SLC14A2: variants seen among roughly 807,000 people sequenced by gnomAD.
SLC14A2 encodes urea transporter 2.
Under a neutral mutation model 104.6 loss-of-function variants are expected in SLC14A2, and 91 were observed. The ratio of observed to expected loss-of-function variants is 0.87; its 90% CI spans 0.73 to 1.04. SLC14A2 has a LOEUF of 1.04. Among genes scored for constraint, SLC14A2 ranks in the 50% least tolerant of loss-of-function variants. SLC14A2 has a pLI of 0.00. For synonymous variants in SLC14A2, 476 were observed against 466.4 expected (o/e 1.02, Z -0.27); for missense variants, 1,189 against 1,156.0 (o/e 1.03, Z -0.41).
chr18:45,339,295 T>A (rs963992937), intron 1 of SLC14A2, among the ~76,000 whole-genome samples: 7 of 152,192 alleles, frequency 4.6e-5, no homozygotes, highest in African/African-American at 1.2e-4. Context: ...AGGACAAGAC[T>A]GCCTGTACAA....
chr18:45,660,577 G>T (rs2045921570), intron 10 of SLC14A2, among the ~76,000 whole-genome samples: 1 of 152,216 alleles, frequency 6.6e-6, no homozygotes, highest in Non-Finnish European at 1.5e-5. Context: ...GGGTTTGCAA[G>T]GTCAACCCTA....
chr18:45,283,755 G>T (rs1400633215), intron 1 of SLC14A2, among the ~76,000 whole-genome samples: 1 of 152,024 alleles, frequency 6.6e-6, no homozygotes, highest in Non-Finnish European at 1.5e-5. Flanking sequence ...TTTAGATATA[G>T]AGATATGCCC....
chr18:45,219,715 T>C (rs1447912352), intron 1 of SLC14A2, among the ~76,000 whole-genome samples: 2 of 152,230 alleles, frequency 1.3e-5, no homozygotes, highest in African/African-American at 4.8e-5. Flanking sequence ...ACCTGCGTTT[T>C]TAAACTTTCC....
At position 45,652,015 on chromosome 18, in the gene SLC14A2, C is replaced by T. The variant is rs941669411; in HGVS notation, c.1351+7855C>T. ...GATCTGCCTGTCAGGAAACTGTCTT[C>T]GCAGCCTGAGTTTGTGGTTATATCA... is the stretch of plus-strand genomic sequence containing the variant. On this transcript the variant is annotated intron_variant, in intron 10 of 19. Transcript: ENST00000255226. Among the ~76,000 whole-genome samples the T allele has an allele frequency of 5.3e-5, 8 of 152,232 alleles. 1 individual carries two copies. The South Asian group carries it at 6.2e-4, about 12-fold the overall frequency.
At chr18:45,253,162 C>T (rs530505566) in intron 1 of SLC14A2, among the ~76,000 whole-genome samples, 2 of 152,136 alleles carry the variant, frequency 1.3e-5, no homozygotes, top group South Asian at 4.1e-4. Context: ...TCTGATTCCA[C>T]AGGTCAGGGT....
At chr18:45,458,473 C>T (rs1196380972) in intron 1 of SLC14A2, among the ~76,000 whole-genome samples, 1 of 152,138 alleles carries the variant, frequency 6.6e-6, no homozygotes, top group Non-Finnish European at 1.5e-5. Context: ...TTCCTTCCGG[C>T]TGTGTGGGCT....
chr18:45,592,979 A>C (rs2044669391), intron 2 of SLC14A2, among the ~76,000 whole-genome samples: 1 of 152,192 alleles, frequency 6.6e-6, no homozygotes, highest in Non-Finnish European at 1.5e-5. Context: ...CTGCGTTGTC[A>C]AACAACTAAA....
chr18:45,268,976 G>GTGTGTGTGTGTGTGTGTA (rs771261044), intron 1 of SLC14A2, among the ~76,000 whole-genome samples: 3,781 of 151,684 alleles, frequency 0.025, 172 homozygotes, highest in African/African-American at 0.087. Flanking sequence ...GTGTGTGTGT[G>GTGTGTGTGTGTGTGTGTA]TGTGTGTGTG....
At chr18:45,335,433 G>C (rs2085329258) in intron 1 of SLC14A2, among the ~76,000 whole-genome samples, 1 of 151,896 alleles carries the variant, frequency 6.6e-6, no homozygotes, top group Non-Finnish European at 1.5e-5. Flanking sequence ...GACTGCAGTA[G>C]AGGAAGGAGG....
chr18:45,419,907 G>C (rs1356959016), intron 1 of SLC14A2, among the ~76,000 whole-genome samples: 2 of 152,164 alleles, frequency 1.3e-5, no homozygotes, highest in Non-Finnish European at 2.9e-5. Flanking sequence ...GGTTCTCCCT[G>C]CTTAGAAATA....
chr18:45,264,654 C>T (rs538669756), intron 1 of SLC14A2, among the ~76,000 whole-genome samples: 2 of 152,138 alleles, frequency 1.3e-5, no homozygotes, highest in South Asian at 4.2e-4. Flanking sequence ...GAGAGACAAC[C>T]GGAAGGGGAA....
chr18:45,618,474 G>C (rs754557056), intron 1 of SLC14A2, among the ~76,000 whole-genome samples: 1 of 151,866 alleles, frequency 6.6e-6, no homozygotes, highest in African/African-American at 2.4e-5. Flanking sequence ...TTCAGGACCA[G>C]CCTGGCCAAC....
chr18:45,592,745 AG>A (rs1240049424), intron 2 of SLC14A2, among the ~76,000 whole-genome samples: 1 of 152,224 alleles, frequency 6.6e-6, no homozygotes, highest in Non-Finnish European at 1.5e-5. Flanking sequence ...TGGCCTAATG[AG>A]GGCCTGGGAG....
At chr18:45,338,219 G>T (rs1370133825) in intron 1 of SLC14A2, among the ~76,000 whole-genome samples, 1 of 151,658 alleles carries the variant, frequency 6.6e-6, no homozygotes, top group East Asian at 1.9e-4. Context: ...GATTTTTTTT[G>T]AGACTGAGTC....
chr18:45,605,903 G>A (rs7237264), intron 2 of SLC14A2, among the ~76,000 whole-genome samples: 110,394 of 152,048 alleles, frequency 0.73, 40,278 homozygotes, highest in East Asian at 0.85. Flanking sequence ...CCTTTTCCAG[G>A]TACATTTATC....
At chr18:45,351,529 C>A (rs1238197005) in intron 1 of SLC14A2, among the ~76,000 whole-genome samples, 1 of 151,978 alleles carries the variant, frequency 6.6e-6, no homozygotes, top group Non-Finnish European at 1.5e-5. Flanking sequence ...TAATTTTGTT[C>A]ATTTTTTTAA....
chr18:45,263,951 A>G (rs1001763758), intron 1 of SLC14A2, among the ~76,000 whole-genome samples: 1 of 152,158 alleles, frequency 6.6e-6, no homozygotes, highest in Admixed American at 6.5e-5. Flanking sequence ...CATTAGGTAT[A>G]CCCATTGCTA....
chr18:45,176,647 C>A, the SLC14A2 span, among the ~76,000 whole-genome samples: 1 of 152,174 alleles, frequency 6.6e-6, no homozygotes, highest in Non-Finnish European at 1.5e-5. Context: ...ACCATTACTC[C>A]TTCCAGAAGC....
intron 1 of SLC14A2, among the ~76,000 whole-genome samples, chr18:45,339,150 G>A (rs2085368229): frequency 6.6e-6 from 1 of 152,146 alleles, no homozygotes; most frequent in Non-Finnish European, 1.5e-5. Flanking sequence ...TTTTAGTAGA[G>A]ATAGGGTTTT....
Sources: allele counts gnomAD v4.1 joint callset (sites outside exome capture counted in the v4.1 genomes callset), GRCh38; gene constraint gnomAD v4.1.1; transcripts MANE v1.5; gene names NCBI Gene and HGNC (gene_info 2026-07-23, HGNC 2026-07-21).